The following ULK4 variants were observed in gnomAD, a reference collection of about 807,000 sequenced individuals.
The protein encoded by ULK4 is unc-51 like kinase 4.
Under a neutral mutation model 160.6 loss-of-function variants are expected in ULK4, and 133 were observed. The observed-to-expected ratio is 0.83, with a 90% CI of 0.72 to 0.96. The LOEUF is 0.96. Among genes scored for constraint, ULK4 ranks in the 40% least tolerant of loss-of-function variants. ULK4 has a pLI of 0.00. For missense variants in ULK4, 1,580 were observed against 1,499.5 expected (o/e 1.05, Z -0.89); for synonymous variants, 534 against 539.8 (o/e 0.99, Z 0.15).
Position 41,717,816 on chromosome 3 carries a change from GC to G in ULK4, c.2366del (p.Gly789AlafsTer51). The G allele has an allele frequency of 6.2e-7, 1 of 1,614,046 alleles. No individual in the cohort carries two copies. Among genetic ancestry groups the G allele is most frequent in the East Asian group, 2.2e-5 (1 of 44,868 alleles). On this transcript the variant is annotated frameshift_variant, in exon 23 of 37. Transcript: ENST00000301831. LOFTEE classifies it high-confidence loss of function. The stretch of plus-strand genomic sequence containing the variant: ...ATTCATTGCCACTTTGCTGCTCCTT[GC>G]CTGGAGTGGTCTTTCTGCTGTCTCT... ...IERDSRKTTP[G>X]KEQQSGNEYL...
intron 34 of ULK4, among the ~76,000 whole-genome samples, chr3:41,446,318 C>T (rs1330235598): frequency 5.3e-5 from 8 of 152,060 alleles, no homozygotes; most frequent in South Asian, 2.1e-4. Flanking sequence ...GTCAGTGTGG[C>T]GATTCCTCAG....
At chr3:41,332,663 T>A in intron 35 of ULK4, among the ~76,000 whole-genome samples, 1 of 152,242 alleles carries the variant, frequency 6.6e-6, no homozygotes, top group Middle Eastern at 3.2e-3. Context: ...TTTCCACTTT[T>A]ATTTTAGATT....
At chr3:41,480,783 A>T (rs550969339) in intron 32 of ULK4, among the ~76,000 whole-genome samples, 2 of 152,302 alleles carry the variant, frequency 1.3e-5, no homozygotes, top group African/African-American at 4.8e-5. Flanking sequence ...GAAATGTACA[A>T]TCATGGTGGA....
At chr3:41,303,166 A>AT (rs552581317) in intron 35 of ULK4, among the ~76,000 whole-genome samples, 3 of 152,284 alleles carry the variant, frequency 2.0e-5, no homozygotes, top group African/African-American at 7.2e-5. Context: ...CTTTTAAGTG[A>AT]TTTTGACTCA....
chr3:41,395,719 A>G (rs962776002), intron 35 of ULK4, among the ~76,000 whole-genome samples: 6 of 152,188 alleles, frequency 3.9e-5, no homozygotes, highest in Non-Finnish European at 7.4e-5. Flanking sequence ...TTGCACAACA[A>G]TGTGAATATG....
rs563543377 is a variant in ULK4 at position 41,431,547 on chromosome 3, C to CATTTTTTTTTTTTT, written c.3492+23949_3492+23950insAAAAAAAAAAAAAT. 4.7e-3 allele frequency among the ~76,000 whole-genome samples: 446 copies of CATTTTTTTTTTTTT among 95,832 alleles called. 24 individuals carry two copies. The highest frequency in any genetic ancestry group is 0.013 in the African/African-American group (313 of 23,670). The allele number at this position is 95,832 out of a possible 152,430, so 62.9% of individuals were successfully genotyped here. ...CCTGTGAGGTGTTGTAATTCCCTCCCTTTTTTTTTTTTTTTGATGTGGAAA... is the reference window on the plus strand; with the variant it reads ...CCTGTGAGGTGTTGTAATTCCCTCCCATTTTTTTTTTTTTTTTTTTTTTTTTTTTGATGTGGAAA... On this transcript the variant is annotated intron_variant, in intron 34 of 36. Coordinates refer to ENST00000301831, the MANE Select transcript of ULK4 (RefSeq NM_017886.4).
chr3:41,954,203 AC>A (rs1700404440), intron 2 of ULK4, among the ~76,000 whole-genome samples: 1 of 149,488 alleles, frequency 6.7e-6, no homozygotes, highest in Non-Finnish European at 1.5e-5. Context: ...AAAGAAAAAT[AC>A]AAAAAATTAG....
At chr3:41,693,965 T>C (rs1472665822) in intron 27 of ULK4, among the ~76,000 whole-genome samples, 1 of 152,236 alleles carries the variant, frequency 6.6e-6, no homozygotes, top group Non-Finnish European at 1.5e-5. Context: ...GTATTGACTA[T>C]ATACTCCCAG....
At chr3:41,661,510 T>TA (rs11422963) in intron 30 of ULK4, among the ~76,000 whole-genome samples, 3,984 of 119,226 alleles carry the variant, frequency 0.033, 133 homozygotes, top group African/African-American at 0.17. Flanking sequence ...GATAGATAGA[T>TA]GATAGATAGA....
chr3:41,691,740 A>G (rs1190626574), intron 27 of ULK4, among the ~76,000 whole-genome samples: 3 of 151,896 alleles, frequency 2.0e-5, no homozygotes, highest in African/African-American at 7.2e-5. Context: ...AGTTAATACT[A>G]CACTTATTGA....
intron 32 of ULK4, among the ~76,000 whole-genome samples, chr3:41,530,867 G>T (rs184897077): frequency 6.6e-6 from 1 of 152,096 alleles, no homozygotes; most frequent in African/African-American, 2.4e-5. Flanking sequence ...GGGTTCAAGT[G>T]ATTCGCCTGC....
intron 35 of ULK4, among the ~76,000 whole-genome samples, chr3:41,302,574 C>A (rs1451422712): frequency 6.6e-6 from 1 of 152,166 alleles, no homozygotes; most frequent in Non-Finnish European, 1.5e-5. Context: ...TTGTAATGAG[C>A]CATTTATTTA....
At chr3:41,911,727 A>G in intron 9 of ULK4, 68 bp from the exon 10 acceptor site, 1 of 1,198,866 alleles carries the variant, frequency 8.3e-7, no homozygotes. Flanking sequence ...TGTTAGAGAA[A>G]AAGAGGTTGG....
intron 19 of ULK4, among the ~76,000 whole-genome samples, chr3:41,813,103 A>C (rs944200506): frequency 6.6e-6 from 1 of 152,164 alleles, no homozygotes; most frequent in Admixed American, 6.6e-5. Flanking sequence ...GTGAGGTTCA[A>C]TGAGAACACA....
Position 41,722,674 on chromosome 3 carries a change from A to G in ULK4, c.2322-4813T>C, listed in dbSNP as rs1284693645. 2.0e-5 allele frequency among the ~76,000 whole-genome samples: 3 copies of G among 151,460 alleles called. No homozygotes were observed. In the East Asian group the frequency reaches 5.8e-4, roughly 29 times the overall value. ...AAATTAAATTAAAATAAAATGAAAGAGAGCCTGACATCTCTTCAGAGATTA... is the reference window on the plus strand; with the variant it reads ...AAATTAAATTAAAATAAAATGAAAGGGAGCCTGACATCTCTTCAGAGATTA... On this transcript the variant is annotated intron_variant, in intron 22 of 36. Coordinates refer to ENST00000301831, the MANE Select transcript of ULK4 (RefSeq NM_017886.4).
At chr3:41,333,788 C>A (rs1038959815) in intron 35 of ULK4, among the ~76,000 whole-genome samples, 9 of 151,970 alleles carry the variant, frequency 5.9e-5, no homozygotes, top group African/African-American at 9.7e-5. Context: ...ACATCAGAAT[C>A]GCGGGGAACA....
rs74945591 is a variant in ULK4, at chr3:41,391,711, G to T, written c.3678+6368C>A. Among the ~76,000 whole-genome samples the T allele has an allele frequency of 6.7e-3, 1,013 of 152,064 alleles. 4 individuals are homozygous for T. The highest frequency in any genetic ancestry group is 0.015 in the African/African-American group (623 of 41,504). ...AACAGAACACGTCTGTTCTCATGTG[G>T]AATGAGAAGGGCCGATACCTATATG... On this transcript the variant is annotated intron_variant, in intron 35 of 36. Transcript: ENST00000301831.
At chr3:41,429,830 T>A (rs1013977272) in intron 34 of ULK4, among the ~76,000 whole-genome samples, 15 of 152,092 alleles carry the variant, frequency 9.9e-5, no homozygotes, top group African/African-American at 3.6e-4. Context: ...GGTTGATAGG[T>A]ACAGCAAACC....
intron 27 of ULK4, chr3:41,688,129 A>G (rs2036159327): frequency 6.6e-6 from 1 of 152,308 alleles, no homozygotes; most frequent in Non-Finnish European, 1.5e-5. Flanking sequence ...TGCACGGTGT[A>G]CAACACCAAT....
Sources: allele counts gnomAD v4.1 joint callset (sites outside exome capture counted in the v4.1 genomes callset), GRCh38; gene constraint gnomAD v4.1.1; transcripts MANE v1.5; gene names NCBI Gene and HGNC (gene_info 2026-07-23, HGNC 2026-07-21).